The following SPSB1 variants were observed in gnomAD, a reference collection of about 807,000 sequenced individuals.
The protein encoded by SPSB1 is splA/ryanodine receptor domain and SOCS box containing 1, also known as SPRY domain-containing SOCS box protein 1.
SPSB1 carries 8 observed loss-of-function variants against 21.2 expected under a neutral mutation model. That is an observed-to-expected ratio of 0.38 (90% CI 0.22 to 0.68). The LOEUF (loss-of-function observed/expected upper bound fraction) is 0.68, where lower values mean the gene tolerates loss of function less well. SPSB1 is among the 30% of genes least tolerant of loss of function. The pLI, the probability that SPSB1 is intolerant of heterozygous loss-of-function variation, is 0.53. For synonymous variants in SPSB1, 169 were observed against 161.7 expected (o/e 1.05, Z -0.34); for missense variants, 242 against 377.8 (o/e 0.64, Z 2.98).
chr1:9,303,802 G>A (rs1331379904), intron 1 of SPSB1, among the ~76,000 whole-genome samples: 1 of 152,176 alleles, frequency 6.6e-6, no homozygotes, highest in Non-Finnish European at 1.5e-5. Flanking sequence ...AGTTGATAAG[G>A]GGCGAACCTG....
intron 1 of SPSB1, among the ~76,000 whole-genome samples, chr1:9,328,716 C>T (rs1034500182): frequency 2.0e-5 from 3 of 152,190 alleles, no homozygotes; most frequent in African/African-American, 7.2e-5. Context: ...CTTCTGGGCA[C>T]GTGAAGATGG....
At chr1:9,319,554 G>A (rs1288219379) in intron 1 of SPSB1, among the ~76,000 whole-genome samples, 1 of 152,188 alleles carries the variant, frequency 6.6e-6, no homozygotes, top group Non-Finnish European at 1.5e-5. Context: ...GTCGAGTGGA[G>A]GAGGTGGGGA....
intron 1 of SPSB1, among the ~76,000 whole-genome samples, chr1:9,303,408 C>T (rs1207723912): frequency 6.6e-6 from 1 of 152,196 alleles, no homozygotes; most frequent in Non-Finnish European, 1.5e-5. Flanking sequence ...CCAGCTCCAA[C>T]CACGTGACCA....
At chr1:9,360,033 C>T (rs552137781) in intron 2 of SPSB1, among the ~76,000 whole-genome samples, 44 of 152,186 alleles carry the variant, frequency 2.9e-4, no homozygotes, top group Middle Eastern at 3.4e-3. Context: ...AAATTTGAGA[C>T]GCTTCTTCGA....
At position 9,369,038 on chromosome 1, in the gene SPSB1, A is replaced by G. The variant is rs1388603930; in HGVS notation, c.*1463A>G. ...ACTTTATTTGTTTAAAATGTTTAAT[A>G]TATATACATACATATATATATATTT... is the stretch of plus-strand genomic sequence containing the variant. On this transcript the variant is annotated 3_prime_UTR_variant, in exon 3 of 3. Coordinates refer to ENST00000328089, the MANE Select transcript of SPSB1 (RefSeq NM_025106.4). 6.6e-6 allele frequency: 1 copy of G among 152,472 alleles called. No individual in the cohort carries two copies. Among genetic ancestry groups the G allele is most frequent in the Non-Finnish European group, 1.5e-5 (1 of 68,036 alleles). 9.4% of individuals were successfully genotyped at this position (152,472 alleles called of 1,614,324 possible).
At chr1:9,341,860 G>T (rs566986207) in intron 1 of SPSB1, among the ~76,000 whole-genome samples, 2 of 152,090 alleles carry the variant, frequency 1.3e-5, no homozygotes, top group Non-Finnish European at 1.5e-5. Flanking sequence ...GCACCACCAC[G>T]CCCAGCTAAT....
Position 9,363,992 on chromosome 1 carries a change from G to A in SPSB1, c.695-3456G>A, listed in dbSNP as rs559778638. ...TGGGATTACAGGCATAAGCCACCGCGTCCAGCCTAGAAACATTTCTTCATG... is the reference window on the plus strand; with the variant it reads ...TGGGATTACAGGCATAAGCCACCGCATCCAGCCTAGAAACATTTCTTCATG... On this transcript the variant is annotated intron_variant, in intron 2 of 2. Transcript: ENST00000328089. This position sits in a 1 kb window ranked among gnomAD's most constrained non-coding sequence, Gnocchi z 4.5. 6.6e-6 allele frequency among the ~76,000 whole-genome samples: 1 copy of A among 152,184 alleles called. No individual in the cohort carries two copies. The highest frequency in any genetic ancestry group is 1.5e-5 in the Non-Finnish European group (1 of 68,034).
chr1:9,315,352 C>T (rs1639596397), intron 1 of SPSB1, among the ~76,000 whole-genome samples: 1 of 152,276 alleles, frequency 6.6e-6, no homozygotes, highest in Non-Finnish European at 1.5e-5. Flanking sequence ...GGCATCGCAG[C>T]AGCAGTCAGG....
intron 2 of SPSB1, among the ~76,000 whole-genome samples, chr1:9,358,860 G>A (rs979213004): frequency 6.6e-6 from 1 of 152,190 alleles, no homozygotes; most frequent in Admixed American, 6.5e-5. Flanking sequence ...GCTGGGAGGG[G>A]ACTGGAGCCT....
At chr1:9,361,336 G>A (rs912221050) in intron 2 of SPSB1, among the ~76,000 whole-genome samples, 2 of 151,662 alleles carry the variant, frequency 1.3e-5, no homozygotes, top group South Asian at 2.1e-4. Flanking sequence ...CCTGATCTGG[G>A]GCTTTGCTGT....
chr1:9,330,020 A>T (rs2100491473), intron 1 of SPSB1, among the ~76,000 whole-genome samples: 1 of 152,332 alleles, frequency 6.6e-6, no homozygotes, highest in African/African-American at 2.4e-5. Context: ...AAAGAGCAAA[A>T]GGGAAACCTG....
Position 9,355,978 on chromosome 1 carries a change from G to A in SPSB1, c.87G>A (p.Leu29=), listed in dbSNP as rs115917671. 6.2e-7 allele frequency: 1 copy of A among 1,614,044 alleles called. No individual in the cohort carries two copies. Among genetic ancestry groups the A allele is most frequent in the African/African-American group, 1.3e-5 (1 of 75,020 alleles). ...YRPLKQELQG[L]DYCKPTRLDL... The stretch of plus-strand genomic sequence containing the variant: ...CCCTGAAGCAGGAGCTCCAGGGTCT[G>A]GATTACTGCAAGCCCACCCGGCTGG... Residue 29 remains leucine, a synonymous_variant, in exon 2 of 3, where the codon CTG becomes CTA. Transcript: ENST00000328089.
chr1:9,336,988 G>A (rs754482500), intron 1 of SPSB1, among the ~76,000 whole-genome samples: 3 of 152,110 alleles, frequency 2.0e-5, no homozygotes, highest in Non-Finnish European at 4.4e-5. Flanking sequence ...ACTCCCTATC[G>A]TGGCATTCAA....
intron 2 of SPSB1, among the ~76,000 whole-genome samples, chr1:9,365,082 C>A (rs1640545895): frequency 6.6e-6 from 1 of 152,208 alleles, no homozygotes; most frequent in Admixed American, 6.5e-5. Flanking sequence ...GTCTTGAACT[C>A]CTGCCCTCAG....
chr1:9,333,296 A>G (rs1639951789), intron 1 of SPSB1, among the ~76,000 whole-genome samples: 1 of 145,784 alleles, frequency 6.9e-6, no homozygotes, highest in African/African-American at 2.5e-5. Context: ...GTCCACTTCT[A>G]CTTCCTGTCA....
chr1:9,337,018 CAGACCATGTTTCT>C (rs137867479), intron 1 of SPSB1, among the ~76,000 whole-genome samples: 6,830 of 152,248 alleles, frequency 0.045, 199 homozygotes, highest in Non-Finnish European at 0.058. Flanking sequence ...CATCTGGCTG[CAGACCATGTTTCT>C]AGCTCTCTCT....
chr1:9,296,590 G>A (rs1017423632), intron 1 of SPSB1, among the ~76,000 whole-genome samples: 18 of 149,990 alleles, frequency 1.2e-4, no homozygotes, highest in African/African-American at 3.4e-4. Context: ...GTGCACATGT[G>A]TACACACACA....
rs571103971 is a variant in SPSB1 at position 9,324,120 on chromosome 1, A to G, written c.-150+31049A>G. Among the ~76,000 whole-genome samples the G allele has an allele frequency of 6.6e-6, 1 of 152,064 alleles. No individual in the cohort carries two copies. The highest frequency in any genetic ancestry group is 1.9e-4 in the East Asian group (1 of 5,178). The stretch of plus-strand genomic sequence containing the variant: ...CCTTTTTTCCTAGGTTTTTCAGTCC[A>G]TATCTTTTTTTGTGTGCCAAAGTGG... On this transcript the variant is annotated intron_variant, in intron 1 of 2. Transcript: ENST00000328089. The surrounding 1 kb of genome is among the most constrained non-coding windows in gnomAD (Gnocchi z 4.3).
intron 1 of SPSB1, among the ~76,000 whole-genome samples, chr1:9,304,859 G>C (rs1395434928): frequency 6.6e-6 from 1 of 152,118 alleles, no homozygotes. Context: ...TTCTCACAAA[G>C]ACGGTGTCTC....
Sources: gnomAD v4.1 joint callset for allele counts (sites outside exome capture counted in the v4.1 genomes callset) on GRCh38, gnomAD v4.1.1 for gene constraint, Gnocchi (gnomAD v3.1) non-coding constraint, MANE v1.5 for transcripts, NCBI Gene and HGNC (gene_info 2026-07-23, HGNC 2026-07-21) for gene names.